The following SLC38A6 variants were observed in gnomAD, a reference collection of about 807,000 sequenced individuals.
SLC38A6 encodes N system amino acid transporter NAT-1.
In SLC38A6, 73 loss-of-function variants were observed where a neutral mutation model predicts 65.0. The ratio of observed to expected loss-of-function variants is 1.12; its 90% confidence interval spans 0.93 to 1.37. The LOEUF is 1.37. SLC38A6 is among the 40% of genes most tolerant of loss of function. The pLI, the probability that SLC38A6 is intolerant of heterozygous loss-of-function variation, is 0.00. For synonymous variants in SLC38A6, 183 were observed against 178.8 expected, an observed-to-expected ratio of 1.02 and a Z score of -0.19; for missense variants, 561 against 531.1, an observed-to-expected ratio of 1.06 and a Z score of -0.55.
At chr14:61,036,754 CTT>C (rs2090912873) in intron 6 of SLC38A6, among the ~76,000 whole-genome samples, 2 of 152,132 alleles carry the variant, frequency 1.3e-5, no homozygotes, top group Admixed American at 1.3e-4. Flanking sequence ...TTTTCACCAG[CTT>C]TTTACACACC....
intron 3 of SLC38A6, among the ~76,000 whole-genome samples, chr14:60,985,609 C>G (rs1473306829): frequency 1.3e-5 from 2 of 152,056 alleles, no homozygotes; most frequent in Admixed American, 6.5e-5. Context: ...TTTATCTGGC[C>G]TTGTGATGTT....
chr14:61,010,736 G>A (rs1037704474), intron 3 of SLC38A6, among the ~76,000 whole-genome samples: 4 of 152,052 alleles, frequency 2.6e-5, no homozygotes, highest in Non-Finnish European at 5.9e-5. Flanking sequence ...TGTTCCATTG[G>A]TATATATATC....
intron 2 of SLC38A6, among the ~76,000 whole-genome samples, chr14:60,984,490 TAAAAAAGTTTGGTTTTTA>T (rs2037306702): frequency 6.6e-6 from 1 of 152,088 alleles, no homozygotes; most frequent in African/African-American, 2.4e-5. Context: ...CTTGTATTTT[TAAAAAAGTTTGGTTTTTA>T]TTTTTTTTTA....
At position 61,018,159 on chromosome 14, in the gene SLC38A6, C is replaced by T. The variant is rs192328251; in HGVS notation, c.364-1382C>T. Among the ~76,000 whole-genome samples the T allele has an allele frequency of 2.6e-3, 399 of 152,184 alleles. 2 individuals are homozygous for T. The highest frequency in any genetic ancestry group is 0.014 in the Middle Eastern group (4 of 294). On this transcript the variant is annotated intron_variant, in intron 4 of 15. Transcript: ENST00000267488. ...TTCAGCCAAAGAATGAAAGAATAAT[C>T]ATCAATAAGTTAATATTACTGTTTT... is the stretch of plus-strand genomic sequence containing the variant.
At chr14:61,045,637 A>G (rs912477344) in intron 11 of SLC38A6, among the ~76,000 whole-genome samples, 1 of 152,114 alleles carries the variant, frequency 6.6e-6, no homozygotes, top group African/African-American at 2.4e-5. Flanking sequence ...TAATCCCAGC[A>G]CTTTGGGAGG....
chr14:61,023,084 T>C (rs1343629313), intron 5 of SLC38A6, among the ~76,000 whole-genome samples: 1 of 152,210 alleles, frequency 6.6e-6, no homozygotes, highest in Non-Finnish European at 1.5e-5. Flanking sequence ...GTTGAATGAA[T>C]TGGACAGTTT....
intron 15 of SLC38A6, among the ~76,000 whole-genome samples, chr14:61,057,956 C>T (rs1210821355): frequency 1.5e-5 from 2 of 135,046 alleles, no homozygotes; most frequent in Non-Finnish European, 3.2e-5. Flanking sequence ...TCTGTGGGAT[C>T]GGTGGTGATA....
Position 61,045,426 on chromosome 14 carries a change from G to A in SLC38A6, c.824+1G>A. On this transcript the variant is annotated splice_donor_variant, in intron 11 of 15. Coordinates refer to ENST00000267488, the MANE Select transcript of SLC38A6 (RefSeq NM_153811.3). LOFTEE classifies it high-confidence loss of function. ...TGCCCATATACTGTGAACTTCAAAG[G>A]TACTGTAGAATCCTGGAATATTTTA... is the stretch of plus-strand genomic sequence containing the variant. The A allele has an allele frequency of 6.2e-7, 1 of 1,600,504 alleles. No homozygotes were observed. Among genetic ancestry groups the A allele is most frequent in the Non-Finnish European group, 8.6e-7 (1 of 1,168,982 alleles).
intron 4 of SLC38A6, among the ~76,000 whole-genome samples, chr14:61,017,002 G>T (rs1395707388): frequency 6.6e-6 from 1 of 152,136 alleles, no homozygotes; most frequent in African/African-American, 2.4e-5. Context: ...ACAATGGAAA[G>T]AAAACCTGTA....
At chr14:61,061,826 T>TG (rs796979679) in intron 15 of SLC38A6, among the ~76,000 whole-genome samples, 2 of 150,794 alleles carry the variant, frequency 1.3e-5, no homozygotes, top group African/African-American at 2.4e-5. Flanking sequence ...TGTGCAGGTT[T>TG]TTTTGTTTTG....
chr14:61,002,159 A>T (rs1256113750), intron 3 of SLC38A6: 2 of 152,222 alleles, frequency 1.3e-5, no homozygotes, highest in African/African-American at 2.4e-5. Context: ...CCTCTGTGCC[A>T]TGAGAAAGAA....
intron 3 of SLC38A6, among the ~76,000 whole-genome samples, chr14:61,003,321 TTAAA>T (rs2038838610): frequency 6.6e-6 from 1 of 152,122 alleles, no homozygotes. Flanking sequence ...TTTAAATATT[TTAAA>T]TATAGTTTTA....
intron 3 of SLC38A6, among the ~76,000 whole-genome samples, chr14:60,993,755 A>G (rs1248459574): frequency 6.6e-6 from 1 of 152,206 alleles, no homozygotes; most frequent in African/African-American, 2.4e-5. Context: ...CAGAGCTTGT[A>G]TTTAGTCTTT....
At chr14:61,042,678 TTAATG>T (rs1250524886) in intron 8 of SLC38A6, among the ~76,000 whole-genome samples, 1 of 152,192 alleles carries the variant, frequency 6.6e-6, no homozygotes, top group Admixed American at 6.5e-5. Flanking sequence ...GGGGCAGCAC[TTAATG>T]TGTACATCAG....
At chr14:61,006,766 G>A (rs1459940196) in intron 3 of SLC38A6, among the ~76,000 whole-genome samples, 6 of 151,938 alleles carry the variant, frequency 3.9e-5, no homozygotes, top group East Asian at 1.9e-4. Flanking sequence ...TCAGTGTGGC[G>A]ATTCCTCAGG....
chr14:61,083,608 C>T lies in SLC38A6; in HGVS notation c.1462C>T (p.Gln488Ter), dbSNP rs2043742199. The T allele has an allele frequency of 6.4e-7, 1 of 1,550,516 alleles. No individual in the cohort carries two copies. The highest frequency in any genetic ancestry group is 8.7e-7 in the Non-Finnish European group (1 of 1,146,950). The change falls in exon 17 of 17, where the codon CAA becomes TAA. Residue 488 changes from glutamine (Q) to a stop codon, truncating the protein, a stop_gained. Coordinates refer to the SLC38A6 transcript ENST00000354886. LOFTEE classifies it low-confidence loss of function (END_TRUNC). The stretch of plus-strand genomic sequence containing the variant: ...GAGGAAAGGCCACGCAAGGACACAG[C>T]AAGAAGGCAACTGTTTACAAGCCAA...
intron 16 of SLC38A6, among the ~76,000 whole-genome samples, chr14:61,081,434 ATC>A (rs2043643532): frequency 6.6e-6 from 1 of 152,094 alleles, no homozygotes; most frequent in Non-Finnish European, 1.5e-5. Flanking sequence ...CTGACCACCC[ATC>A]CCACAGCAGG....
intron 16 of SLC38A6, among the ~76,000 whole-genome samples, chr14:61,080,690 C>T (rs992299422): frequency 4.6e-5 from 7 of 152,188 alleles, no homozygotes; most frequent in African/African-American, 1.7e-4. Context: ...TTACAGGACC[C>T]GGGGGCCCAG....
At chr14:61,043,414 T>C (rs748306479) in intron 9 of SLC38A6, 36 bp from the exon 10 acceptor site, 1 of 1,494,970 alleles carries the variant, frequency 6.7e-7, no homozygotes, top group Non-Finnish European at 9.1e-7. Context: ...TTAATGGCTG[T>C]TGGTTTCTCT....
Sources: gnomAD v4.1 joint callset for allele counts (sites outside exome capture counted in the v4.1 genomes callset) on GRCh38, gnomAD v4.1.1 for gene constraint, MANE v1.5 for transcripts, NCBI Gene and HGNC (gene_info 2026-07-23, HGNC 2026-07-21) for gene names.